The following GABRA3 variants were observed in gnomAD, a reference collection of about 807,000 sequenced individuals.
GABRA3 encodes gamma-aminobutyric acid type A receptor subunit alpha3.
A neutral mutation model predicts 30.1 loss-of-function variants in GABRA3; 10 were observed. The ratio of observed to expected loss-of-function variants is 0.33; its 90% CI spans 0.20 to 0.56. The LOEUF (loss-of-function observed/expected upper bound fraction) is 0.56, where lower values mean the gene tolerates loss of function less well. Among genes scored for constraint, GABRA3 ranks in the 20% least tolerant of loss-of-function variants. The pLI, the probability that GABRA3 is intolerant of heterozygous loss-of-function variation, is 0.89. For synonymous variants in GABRA3, 151 were observed against 146.8 expected (o/e 1.03, Z -0.21); for missense variants, 233 against 392.0 (o/e 0.59, Z 3.42).
intron 5 of GABRA3, among the ~76,000 whole-genome samples, chrX:152,255,575 A>G (rs1938623340): frequency 8.9e-6 from 1 of 112,363 alleles, no homozygotes; most frequent in African/African-American, 3.2e-5. Flanking sequence ...ATGTTCATCT[A>G]TGCAACTCTT....
At chrX:152,267,128 C>T (rs1188077213) in intron 4 of GABRA3, among the ~76,000 whole-genome samples, 1 of 112,123 alleles carries the variant, frequency 8.9e-6, no homozygotes, top group Non-Finnish European at 1.9e-5. Flanking sequence ...CACTGTTTAA[C>T]ACAATGTTAA....
chrX:152,179,871 C>T (rs781448402), intron 9 of GABRA3, among the ~76,000 whole-genome samples: 2 of 111,452 alleles, frequency 1.8e-5, no homozygotes, highest in East Asian at 5.6e-4. Context: ...CAGGTTCATC[C>T]GTGCTTATGT....
chrX:152,186,581 C>T (rs1937257660), intron 9 of GABRA3, among the ~76,000 whole-genome samples: 1 of 108,010 alleles, frequency 9.3e-6, no homozygotes, highest in Non-Finnish European at 1.9e-5. Context: ...TTGCCTCCCT[C>T]CCTTCCTTCC....
intron 1 of GABRA3, among the ~76,000 whole-genome samples, chrX:152,401,830 T>C (rs1929804114): frequency 9.0e-6 from 1 of 111,620 alleles, no homozygotes; most frequent in South Asian, 3.8e-4. Flanking sequence ...GAACAGCGAC[T>C]ATAGGATAGA....
intron 3 of GABRA3, among the ~76,000 whole-genome samples, chrX:152,330,965 A>G (rs984017225): frequency 1.8e-5 from 2 of 111,491 alleles, no homozygotes; most frequent in Non-Finnish European, 3.8e-5. Context: ...ACATTTGACA[A>G]AACAATTTCA....
chrX:152,207,916 TTAAG>T (rs1937587107), intron 7 of GABRA3, 81 bp downstream of exon 7: 11 of 844,367 alleles, frequency 1.3e-5, no homozygotes, highest in Admixed American at 5.8e-5. Context: ...GTTTTGAAGA[TTAAG>T]TAAGTTATAA....
At chrX:152,179,031 G>A (rs1937110506) in intron 9 of GABRA3, among the ~76,000 whole-genome samples, 2 of 111,899 alleles carry the variant, frequency 1.8e-5, no homozygotes, top group Admixed American at 9.5e-5. Context: ...ATAACCAGTG[G>A]TGATAGCATT....
intron 3 of GABRA3, among the ~76,000 whole-genome samples, chrX:152,286,131 G>C (rs935756805): frequency 7.3e-5 from 6 of 82,012 alleles, no homozygotes; most frequent in Non-Finnish European, 1.4e-4. Context: ...GTATAGTATA[G>C]TATATAAGTT....
At chrX:152,420,155 T>C (rs903436631) in intron 1 of GABRA3, among the ~76,000 whole-genome samples, 5 of 111,650 alleles carry the variant, frequency 4.5e-5, no homozygotes, top group Admixed American at 1.9e-4. Context: ...AAAAACTCTA[T>C]AGTGAAAATC....
chrX:152,173,917 T>A (rs1937037680), intron 9 of GABRA3, among the ~76,000 whole-genome samples: 1 of 110,261 alleles, frequency 9.1e-6, no homozygotes. Context: ...ATTAGGTATA[T>A]CTCCTAATGT....
chrX:152,423,794 G>A (rs1930440065), intron 1 of GABRA3, among the ~76,000 whole-genome samples: 1 of 111,244 alleles, frequency 9.0e-6, no homozygotes, highest in Non-Finnish European at 1.9e-5. Context: ...AAGAAAGGAT[G>A]TGGACAAATA....
intron 3 of GABRA3, among the ~76,000 whole-genome samples, chrX:152,311,541 G>A (rs1344907826): frequency 1.8e-5 from 2 of 111,613 alleles, no homozygotes; most frequent in East Asian, 2.8e-4. Flanking sequence ...AGGCATCAAA[G>A]ACATACTTCA....
intron 1 of GABRA3, among the ~76,000 whole-genome samples, chrX:152,396,881 T>A (rs1315732834): frequency 8.9e-6 from 1 of 112,003 alleles, no homozygotes; most frequent in Non-Finnish European, 1.9e-5. Context: ...ACATATGACA[T>A]CATAAACATG....
intron 3 of GABRA3, among the ~76,000 whole-genome samples, chrX:152,292,631 T>C (rs1293295534): frequency 8.9e-6 from 1 of 111,811 alleles, no homozygotes; most frequent in Non-Finnish European, 1.9e-5. Context: ...GTTCTTTTAA[T>C]TATGATGCTA....
chrX:152,285,233 C>T (rs761415410), intron 3 of GABRA3, among the ~76,000 whole-genome samples: 9 of 111,853 alleles, frequency 8.0e-5, no homozygotes, highest in Non-Finnish European at 1.1e-4. Flanking sequence ...CCATGATGAT[C>T]GTAAAAACAC....
chrX:152,304,688 G>A (rs1345826687), intron 3 of GABRA3, among the ~76,000 whole-genome samples: 1 of 111,930 alleles, frequency 8.9e-6, no homozygotes, highest in Non-Finnish European at 1.9e-5. Flanking sequence ...TGCTGTTTTG[G>A]TTACTGTGGC....
chrX:152,262,617 A>G (rs776908851), intron 4 of GABRA3, among the ~76,000 whole-genome samples: 18 of 112,228 alleles, frequency 1.6e-4, no homozygotes, highest in African/African-American at 5.8e-4. Context: ...TTTATTGTAC[A>G]TATTGCTATC....
intron 1 of GABRA3, among the ~76,000 whole-genome samples, chrX:152,381,479 T>G (rs917309502): frequency 8.9e-6 from 1 of 111,962 alleles, no homozygotes; most frequent in Non-Finnish European, 1.9e-5. Flanking sequence ...ATGCATGGTT[T>G]GTAAATATTT....
chrX:152,268,811 C>T (rs766372367), intron 4 of GABRA3, among the ~76,000 whole-genome samples: 43 of 111,626 alleles, frequency 3.9e-4, no homozygotes, highest in Middle Eastern at 9.2e-3. Context: ...CTCAAGGGAT[C>T]GGTGTGCCTG....
Sources: gnomAD v4.1 joint callset for allele counts (sites outside exome capture counted in the v4.1 genomes callset) on GRCh38, gnomAD v4.1.1 for gene constraint, MANE v1.5 for transcripts, NCBI Gene and HGNC (gene_info 2026-07-23, HGNC 2026-07-21) for gene names.